Variants in KSR2 observed in about 807,000 individuals in gnomAD.
KSR2 encodes the protein kinase suppressor of ras 2.
Under a neutral mutation model 107.8 loss-of-function variants are expected in KSR2, and 25 were observed. The ratio of observed to expected loss-of-function variants is 0.23; its 90% confidence interval spans 0.17 to 0.32. KSR2 has a LOEUF of 0.32. Among genes scored for constraint, KSR2 ranks in the 10% least tolerant of loss-of-function variants. KSR2 has a pLI of 1.00. For synonymous variants in KSR2, 480 were observed against 507.0 expected, an observed-to-expected ratio of 0.95 and a Z score of 0.71; for missense variants, 887 against 1,268.9, an observed-to-expected ratio of 0.70 and a Z score of 4.57.
At chr12:117,885,737 CG>C (rs2137337090) in intron 1 of KSR2, among the ~76,000 whole-genome samples, 1 of 145,564 alleles carries the variant, frequency 6.9e-6, no homozygotes, top group East Asian at 2.0e-4. Flanking sequence ...CTAATGCCTG[CG>C]GGGCGTAAAA....
At chr12:117,817,085 A>G (rs1891397708) in intron 3 of KSR2, among the ~76,000 whole-genome samples, 1 of 152,190 alleles carries the variant, frequency 6.6e-6, no homozygotes, top group Middle Eastern at 3.4e-3. Flanking sequence ...AGGGGAGGGG[A>G]ATATCCTTTT....
chr12:117,471,146 G>C (rs759042375), intron 18 of KSR2, 45 bp downstream of exon 18: 1 of 1,606,822 alleles, frequency 6.2e-7, no homozygotes, highest in Non-Finnish European at 8.5e-7. Flanking sequence ...GACTGTGTCT[G>C]TGTCTCCCCT....
intron 5 of KSR2, among the ~76,000 whole-genome samples, chr12:117,654,959 T>A (rs1340636836): frequency 6.6e-6 from 1 of 152,170 alleles, no homozygotes; most frequent in Non-Finnish European, 1.5e-5. Context: ...AACATGGACT[T>A]CCACTCACCA....
At chr12:117,603,519 G>C (rs1881069484) in intron 5 of KSR2, among the ~76,000 whole-genome samples, 1 of 152,174 alleles carries the variant, frequency 6.6e-6, no homozygotes, top group African/African-American at 2.4e-5. Context: ...TAAATTGGCT[G>C]TTAGTCTTTT....
intron 4 of KSR2, among the ~76,000 whole-genome samples, chr12:117,707,232 G>C (rs1281149267): frequency 6.6e-6 from 1 of 152,184 alleles, no homozygotes; most frequent in Non-Finnish European, 1.5e-5. Context: ...GTTGGGAGCA[G>C]GGAGGTGTAG....
At chr12:117,908,631 T>C (rs1239037313) in intron 1 of KSR2, among the ~76,000 whole-genome samples, 1 of 152,154 alleles carries the variant, frequency 6.6e-6, no homozygotes, top group African/African-American at 2.4e-5. Context: ...AGAATGAGAG[T>C]GCATTGCATG....
At chr12:117,577,190 G>C (rs1593011906) in intron 7 of KSR2, among the ~76,000 whole-genome samples, 1 of 152,136 alleles carries the variant, frequency 6.6e-6, no homozygotes, top group Non-Finnish European at 1.5e-5. Flanking sequence ...ACTAGACAAG[G>C]AAGAGCAAGC....
At chr12:117,693,839 T>TG (rs1885935331) in intron 4 of KSR2, among the ~76,000 whole-genome samples, 1 of 152,206 alleles carries the variant, frequency 6.6e-6, no homozygotes, top group East Asian at 1.9e-4. Flanking sequence ...TATCAAGTTG[T>TG]CTGCCCACTG....
intron 3 of KSR2, among the ~76,000 whole-genome samples, chr12:117,792,219 C>T (rs949363842): frequency 6.6e-6 from 1 of 151,876 alleles, no homozygotes; most frequent in Non-Finnish European, 1.5e-5. Context: ...GTGGTGTGTG[C>T]CTGTCCTGTA....
chr12:117,528,068 G>T (rs1479079455), intron 12 of KSR2, among the ~76,000 whole-genome samples: 1 of 151,928 alleles, frequency 6.6e-6, no homozygotes, highest in African/African-American at 2.4e-5. Context: ...GATGCTGGCG[G>T]GGCGTCACAA....
chr12:117,587,172 C>A (rs1326207704), intron 5 of KSR2, among the ~76,000 whole-genome samples: 1 of 152,166 alleles, frequency 6.6e-6, no homozygotes, highest in East Asian at 1.9e-4. Flanking sequence ...AAGATGCCCA[C>A]GTCCTGATCC....
chr12:117,507,983 C>T (rs1038422722), intron 14 of KSR2, among the ~76,000 whole-genome samples: 1 of 152,146 alleles, frequency 6.6e-6, no homozygotes, highest in Non-Finnish European at 1.5e-5. Flanking sequence ...AAAAAGCCAC[C>T]CTCCCTTGTC....
Position 117,795,779 on chromosome 12 carries a change from C to G in KSR2, c.473-34255G>C, listed in dbSNP as rs530718321. Among the ~76,000 whole-genome samples the G allele has an allele frequency of 9.2e-5, 14 of 152,172 alleles. No homozygotes were observed. The South Asian group carries it at 2.7e-3, about 29-fold the overall frequency. ...GAGTAGGTGAGGCTACAGGTGTATG[C>G]CATCAATTTTTTGTAGAGACAGGGT... On this transcript the variant is annotated intron_variant, in intron 3 of 19. Coordinates refer to ENST00000339824, the MANE Select transcript of KSR2 (RefSeq NM_173598.6).
At chr12:117,539,262 G>A (rs567219757) in intron 10 of KSR2, among the ~76,000 whole-genome samples, 3 of 152,332 alleles carry the variant, frequency 2.0e-5, no homozygotes, top group African/African-American at 7.2e-5. Context: ...TTAAGACTCA[G>A]TATGCAGCCC....
chr12:117,639,661 T>TTATTATTA (rs1883272187), intron 5 of KSR2, among the ~76,000 whole-genome samples: 1 of 93,586 alleles, frequency 1.1e-5, no homozygotes, highest in Non-Finnish European at 2.2e-5. Context: ...TATTATTATA[T>TTATTATTA]TATTTTAATA....
chr12:117,600,600 C>T (rs1172789376), intron 5 of KSR2, among the ~76,000 whole-genome samples: 1 of 152,170 alleles, frequency 6.6e-6, no homozygotes, highest in South Asian at 2.1e-4. Context: ...CATTCACAGG[C>T]CTGATCTATG....
chr12:117,601,639 C>G (rs56244007), intron 5 of KSR2, among the ~76,000 whole-genome samples: 58 of 152,158 alleles, frequency 3.8e-4, no homozygotes, highest in Admixed American at 2.9e-3. Context: ...AAGGACCCCC[C>G]CCTAGAGCCT....
rs1009662030 is a variant in KSR2 at position 117,464,121 on chromosome 12, A to C, written c.*3078T>G. 1 of 152,234 alleles carries C rather than the reference A, an allele frequency of 6.6e-6. No individual in the cohort carries two copies. The highest frequency in any genetic ancestry group is 2.4e-5 in the African/African-American group (1 of 41,470). 9.4% of individuals were successfully genotyped at this position (152,234 alleles called of 1,614,324 possible). A position where few individuals can be genotyped will look rare whatever the true frequency, so the allele number is the denominator to read the frequency against. On this transcript the variant is annotated 3_prime_UTR_variant, in exon 20 of 20. Coordinates refer to ENST00000339824, the MANE Select transcript of KSR2 (RefSeq NM_173598.6). ...GGGGCACGTCCTCCCACAGGGGGCC[A>C]AGAAGGAAGCTCCTTGGTTTTATGA...
chr12:117,792,530 T>A (rs1280609595), intron 3 of KSR2, among the ~76,000 whole-genome samples: 1 of 152,162 alleles, frequency 6.6e-6, no homozygotes, highest in Non-Finnish European at 1.5e-5. Context: ...GGATCCTACA[T>A]GCAAAGTGTT....
Sources: allele counts gnomAD v4.1 joint callset (sites outside exome capture counted in the v4.1 genomes callset), GRCh38; gene constraint gnomAD v4.1.1; transcripts MANE v1.5; gene names NCBI Gene and HGNC (gene_info 2026-07-23, HGNC 2026-07-21).